The following EFCAB11 variants were observed in gnomAD, a reference collection of about 807,000 sequenced individuals.
EFCAB11 encodes the protein EF-hand calcium-binding domain-containing protein 11.
In EFCAB11, 14 loss-of-function variants were observed where a neutral mutation model predicts 23.0. The ratio of observed to expected loss-of-function variants is 0.61; its 90% CI spans 0.40 to 0.95. The LOEUF (loss-of-function observed/expected upper bound fraction) is 0.95, where lower values mean the gene tolerates loss of function less well. Among genes scored for constraint, EFCAB11 ranks in the 40% least tolerant of loss-of-function variants. The pLI, the probability that EFCAB11 is intolerant of heterozygous loss-of-function variation, is 0.00. For synonymous variants in EFCAB11, 65 were observed against 66.6 expected (o/e 0.98, Z 0.11); for missense variants, 198 against 195.8 (o/e 1.01, Z -0.07).
At chr14:89,952,566 C>A in intron 2 of EFCAB11, 1 of 985,470 alleles carries the variant, frequency 1.0e-6, no homozygotes, top group Non-Finnish European at 1.2e-6. Context: ...TAGGCAGCCC[C>A]TCATAGCTGA....
At chr14:89,845,332 T>C (rs1887397073) in intron 5 of EFCAB11, among the ~76,000 whole-genome samples, 1 of 152,192 alleles carries the variant, frequency 6.6e-6, no homozygotes, top group Non-Finnish European at 1.5e-5. Context: ...AAATAGCAAA[T>C]TAATTTAGAA....
Position 89,924,455 on chromosome 14 carries a change from T to C in EFCAB11, c.410+7086A>G, listed in dbSNP as rs570938124. 2.3e-4 allele frequency: 308 copies of C among 1,365,774 alleles called. 1 individual carries two copies. The African/African-American group carries it at 4.3e-3, about 19-fold the overall frequency. 84.6% of individuals were successfully genotyped at this position (1,365,774 alleles called of 1,614,324 possible). On this transcript the variant is annotated intron_variant, in intron 5 of 5. Coordinates refer to ENST00000316738, the MANE Select transcript of EFCAB11 (RefSeq NM_145231.4). Reference sequence around the variant, plus strand: ...CTCATGACTGGGAAGCAAAAGCAGCTTCCCAGAGCTTTTTGCCAACTGACA... The same window carrying C: ...CTCATGACTGGGAAGCAAAAGCAGCCTCCCAGAGCTTTTTGCCAACTGACA...
At chr14:89,837,201 A>G in intron 5 of EFCAB11, 1 of 448,016 alleles carries the variant, frequency 2.2e-6, no homozygotes, top group Non-Finnish European at 4.5e-6. Flanking sequence ...TAAGCCTTAT[A>G]CTATTTATTC....
intron 5 of EFCAB11, among the ~76,000 whole-genome samples, chr14:89,806,616 T>C (rs1226174926): frequency 2.6e-5 from 4 of 152,154 alleles, no homozygotes; most frequent in Non-Finnish European, 4.4e-5. Flanking sequence ...GCCGTAAATA[T>C]GCAACTACCA....
intron 5 of EFCAB11, among the ~76,000 whole-genome samples, chr14:89,919,204 C>CAG (rs61549850): frequency 0.016 from 2,398 of 147,744 alleles, 23 homozygotes; most frequent in Middle Eastern, 0.021. Context: ...GAGAGAGAGA[C>CAG]AGAGAGAGAG....
At chr14:89,953,793 A>T in intron 2 of EFCAB11, 113 bp downstream of exon 2, 1 of 810,454 alleles carries the variant, frequency 1.2e-6, no homozygotes. Context: ...CACATCTCTG[A>T]AATTGCTTAT....
At chr14:89,888,905 G>T (rs976182514) in intron 5 of EFCAB11, among the ~76,000 whole-genome samples, 7 of 152,144 alleles carry the variant, frequency 4.6e-5, no homozygotes, top group Non-Finnish European at 8.8e-5. Flanking sequence ...AAACCATGGC[G>T]CTGTGATACT....
At chr14:89,824,094 A>G (rs1886613557) in intron 5 of EFCAB11, among the ~76,000 whole-genome samples, 1 of 152,208 alleles carries the variant, frequency 6.6e-6, no homozygotes, top group Non-Finnish European at 1.5e-5. Context: ...ATGAACTCTA[A>G]GTAAGATAAT....
At chr14:89,864,614 T>C (rs1888029603) in intron 5 of EFCAB11, among the ~76,000 whole-genome samples, 1 of 152,098 alleles carries the variant, frequency 6.6e-6, no homozygotes, top group Non-Finnish European at 1.5e-5. Flanking sequence ...TGTTTTTTGT[T>C]TTTTTGTAGA....
At chr14:89,946,989 T>C (rs1891009300) in intron 3 of EFCAB11, among the ~76,000 whole-genome samples, 1 of 152,208 alleles carries the variant, frequency 6.6e-6, no homozygotes, top group African/African-American at 2.4e-5. Context: ...AAGGATGTTA[T>C]TAGATCAACT....
chr14:89,852,946 GC>G (rs1437863874), intron 5 of EFCAB11, among the ~76,000 whole-genome samples: 1 of 151,964 alleles, frequency 6.6e-6, no homozygotes, highest in Non-Finnish European at 1.5e-5. Flanking sequence ...CTTCTCTCCA[GC>G]CCCTGGCAAC....
intron 5 of EFCAB11, among the ~76,000 whole-genome samples, chr14:89,849,973 G>A (rs994484230): frequency 6.6e-6 from 1 of 151,994 alleles, no homozygotes; most frequent in African/African-American, 2.4e-5. Context: ...TTGTTCTCAG[G>A]TTAGGAAAGC....
At chr14:89,818,324 G>A (rs1014899872) in intron 5 of EFCAB11, among the ~76,000 whole-genome samples, 1 of 152,140 alleles carries the variant, frequency 6.6e-6, no homozygotes, top group Non-Finnish European at 1.5e-5. Flanking sequence ...AAAGACCAGA[G>A]TTGGCAAGCC....
Position 89,797,083 on chromosome 14 carries a change from G to A in EFCAB11, c.*160C>T, listed in dbSNP as rs960124063. 1.7e-5 allele frequency: 8 copies of A among 477,996 alleles called. No individual in the cohort carries two copies. The highest frequency in any genetic ancestry group is 1.3e-4 in the African/African-American group (7 of 51,954). 29.6% of individuals were successfully genotyped at this position (477,996 alleles called of 1,614,324 possible). On this transcript the variant is annotated 3_prime_UTR_variant, in exon 6 of 6. Transcript: ENST00000316738. ...AATATCTCCCGTAACCCATATATGT[G>A]TGTGTATGTATACATATGCACCTAC...
intron 5 of EFCAB11, among the ~76,000 whole-genome samples, chr14:89,846,447 T>C (rs539025623): frequency 5.5e-4 from 84 of 152,356 alleles, no homozygotes; most frequent in African/African-American, 1.9e-3. Context: ...GTAGTCTTAC[T>C]AGTTGGGAAC....
intron 5 of EFCAB11, among the ~76,000 whole-genome samples, chr14:89,826,376 T>C (rs1886691820): frequency 1.3e-5 from 2 of 151,860 alleles, no homozygotes; most frequent in Admixed American, 1.3e-4. Flanking sequence ...ACTATAAATG[T>C]GGGAACTCCC....
intron 5 of EFCAB11, among the ~76,000 whole-genome samples, chr14:89,808,413 G>T (rs1048424477): frequency 6.6e-6 from 1 of 152,032 alleles, no homozygotes; most frequent in Admixed American, 6.5e-5. Context: ...TGTGAAGATA[G>T]ATTTTTTTTT....
chr14:89,803,186 A>G (rs915572624), intron 5 of EFCAB11, among the ~76,000 whole-genome samples: 6 of 151,678 alleles, frequency 4.0e-5, no homozygotes, highest in African/African-American at 1.5e-4. Flanking sequence ...AGTTTAAGGC[A>G]ATCCTTTTGA....
At chr14:89,893,617 A>C (rs1440057442) in intron 5 of EFCAB11, among the ~76,000 whole-genome samples, 1 of 151,966 alleles carries the variant, frequency 6.6e-6, no homozygotes, top group Non-Finnish European at 1.5e-5. Context: ...GACAACTCTG[A>C]AAGTCAAACC....
Sources: allele counts gnomAD v4.1 joint callset (sites outside exome capture counted in the v4.1 genomes callset), GRCh38; gene constraint gnomAD v4.1.1; transcripts MANE v1.5; gene names NCBI Gene and HGNC (gene_info 2026-07-23, HGNC 2026-07-21).